The following NPAS3 variants were observed in gnomAD, a reference collection of about 807,000 sequenced individuals.
NPAS3 encodes neuronal PAS domain-containing protein 3.
A neutral mutation model predicts 73.1 loss-of-function variants in NPAS3; 14 were observed. That is an observed-to-expected ratio of 0.19 (90% CI 0.13 to 0.30). The LOEUF is 0.30. NPAS3 is among the 10% of genes least tolerant of loss of function. The pLI, the probability that NPAS3 is intolerant of heterozygous loss-of-function variation, is 1.00. For missense variants in NPAS3, 1,096 were observed against 1,250.0 expected (o/e 0.88, Z 1.86); for synonymous variants, 620 against 541.5 (o/e 1.14, Z -2.01).
chr14:33,725,592 G>T (rs2061242610), intron 6 of NPAS3, among the ~76,000 whole-genome samples: 1 of 151,646 alleles, frequency 6.6e-6, no homozygotes, highest in African/African-American at 2.4e-5. Flanking sequence ...AGCCCCTACT[G>T]CCTACCTCTC....
At chr14:33,667,424 C>T (rs568714342) in intron 5 of NPAS3, among the ~76,000 whole-genome samples, 1 of 152,306 alleles carries the variant, frequency 6.6e-6, no homozygotes, top group South Asian at 2.1e-4. Context: ...CACCACAGTC[C>T]TCTCAAAATA....
At chr14:33,785,761 C>T (rs2063152341) in intron 9 of NPAS3, among the ~76,000 whole-genome samples, 1 of 152,076 alleles carries the variant, frequency 6.6e-6, no homozygotes, top group Non-Finnish European at 1.5e-5. Flanking sequence ...TCTCTGGCTT[C>T]CTAGAACTTT....
At chr14:33,647,118 CT>C (rs1485936639) in intron 5 of NPAS3, among the ~76,000 whole-genome samples, 1 of 152,120 alleles carries the variant, frequency 6.6e-6, no homozygotes, top group African/African-American at 2.4e-5. Context: ...TGTCCTTAGG[CT>C]CAACTGTGTG....
At chr14:33,287,268 A>G (rs1342319218) in intron 3 of NPAS3, among the ~76,000 whole-genome samples, 1 of 152,176 alleles carries the variant, frequency 6.6e-6, no homozygotes, top group Admixed American at 6.5e-5. Flanking sequence ...ATGAAGTTTT[A>G]CAATGTAGAT....
intron 6 of NPAS3, among the ~76,000 whole-genome samples, chr14:33,685,005 A>G (rs1595436637): frequency 6.6e-6 from 1 of 152,362 alleles, no homozygotes; most frequent in South Asian, 2.1e-4. Flanking sequence ...GCTTGAGGGA[A>G]GAACTTGTAT....
In NPAS3 at chr14:32,991,958, C is replaced by G. The variant is rs143985672; in HGVS notation, c.50+52592C>G. On this transcript the variant is annotated intron_variant, in intron 1 of 11. Transcript: ENST00000356141. ...TAAAACCAGAATGCCAAATTATTCG[C>G]TTACCATTAGAAATACAATCACACA... 1.8e-3 allele frequency among the ~76,000 whole-genome samples: 275 copies of G among 152,350 alleles called. 1 individual carries two copies. The highest frequency in any genetic ancestry group is 1.5e-3 in the Non-Finnish European group (99 of 68,040).
At chr14:33,555,204 T>C (rs2055298946) in intron 4 of NPAS3, among the ~76,000 whole-genome samples, 2 of 152,216 alleles carry the variant, frequency 1.3e-5, no homozygotes, top group South Asian at 4.1e-4. Flanking sequence ...TTAAAATGTC[T>C]GTTTTACTGT....
chr14:33,721,283 A>C (rs1326737308), intron 6 of NPAS3, among the ~76,000 whole-genome samples: 1 of 152,108 alleles, frequency 6.6e-6, no homozygotes, highest in Non-Finnish European at 1.5e-5. Flanking sequence ...TCTGTTAGAG[A>C]AAAGGTTGTA....
rs772629242 is a variant in NPAS3, at chr14:33,539,635, G to A, written c.469-20486G>A. On this transcript the variant is annotated intron_variant, in intron 4 of 11. Transcript: ENST00000356141. ...CTTTCTGCCCATCCCCAAGCCCCAC[G>A]TCCCACAAAAAGAAGTGAAAGTAAT... is the stretch of plus-strand genomic sequence containing the variant. Among the ~76,000 whole-genome samples, 20 of 152,118 alleles carry A rather than the reference G, an allele frequency of 1.3e-4. 1 individual carries two copies. The highest frequency in any genetic ancestry group is 3.9e-4 in the East Asian group (2 of 5,168).
intron 3 of NPAS3, among the ~76,000 whole-genome samples, chr14:33,325,602 G>A (rs1227822879): frequency 3.4e-5 from 5 of 148,910 alleles, no homozygotes; most frequent in Admixed American, 2.7e-4. Flanking sequence ...AGTCAAGATC[G>A]TGCCCTCAGC....
chr14:33,393,795 G>A (rs759457401), intron 4 of NPAS3, among the ~76,000 whole-genome samples: 9 of 152,156 alleles, frequency 5.9e-5, no homozygotes, highest in African/African-American at 9.7e-5. Flanking sequence ...AAGGTCAAGA[G>A]TTAACTACTT....
chr14:33,648,724 G>A (rs1363192653), intron 5 of NPAS3, among the ~76,000 whole-genome samples: 5 of 152,188 alleles, frequency 3.3e-5, no homozygotes, highest in Admixed American at 1.3e-4. Context: ...TCTCCCCTGG[G>A]TATGGGAAGA....
chr14:33,180,337 T>C (rs2045745350), intron 2 of NPAS3, among the ~76,000 whole-genome samples: 1 of 151,714 alleles, frequency 6.6e-6, no homozygotes, highest in South Asian at 2.1e-4. Flanking sequence ...TATACTTACC[T>C]GTCTGTGGCA....
intron 1 of NPAS3, among the ~76,000 whole-genome samples, chr14:32,993,111 T>C (rs2038402860): frequency 6.6e-6 from 1 of 150,628 alleles, no homozygotes; most frequent in Admixed American, 6.6e-5. Flanking sequence ...GATTGTACCA[T>C]TGCACTCCAC....
chr14:33,721,687 G>C lies in NPAS3; in HGVS notation c.734-13527G>C, dbSNP rs142234388. The stretch of plus-strand genomic sequence containing the variant: ...TGACTATTTCAAGAAAATTTATTTA[G>C]GTTTCATTTTGCTTGTAACTGAAAC... On this transcript the variant is annotated intron_variant, in intron 6 of 11. Coordinates refer to ENST00000356141, the Ensembl canonical transcript of NPAS3. 2.4e-3 allele frequency among the ~76,000 whole-genome samples: 367 copies of C among 152,146 alleles called. 2 individuals are homozygous for C. The highest frequency in any genetic ancestry group is 8.7e-3 in the African/African-American group (360 of 41,520).
intron 1 of NPAS3, among the ~76,000 whole-genome samples, chr14:33,005,967 C>T (rs1025330303): frequency 2.6e-5 from 4 of 152,146 alleles, no homozygotes; most frequent in Admixed American, 2.0e-4. Flanking sequence ...AACTTGGAAG[C>T]ATGTAACTCC....
intron 1 of NPAS3, among the ~76,000 whole-genome samples, chr14:32,982,116 C>G (rs913936440): frequency 3.9e-5 from 6 of 152,152 alleles, no homozygotes; most frequent in Non-Finnish European, 5.9e-5. Context: ...CTCCTGGAGT[C>G]TGGAAAGTCC....
exon 11 of NPAS3, chr14:33,797,487 C>T (rs369145801): frequency 1.2e-6 from 2 of 1,614,214 alleles, no homozygotes; most frequent in African/African-American, 1.3e-5. Flanking sequence ...CACCCATGGA[C>T]ATCGCACAGC....
chr14:33,052,279 C>A (rs2040737507), intron 1 of NPAS3, among the ~76,000 whole-genome samples: 1 of 152,090 alleles, frequency 6.6e-6, no homozygotes, highest in Non-Finnish European at 1.5e-5. Context: ...AACAGCAGTG[C>A]AATCCTTAGG....
Sources: gnomAD v4.1 joint callset for allele counts (sites outside exome capture counted in the v4.1 genomes callset) on GRCh38, gnomAD v4.1.1 for gene constraint, MANE v1.5 for transcripts, NCBI Gene and HGNC (gene_info 2026-07-23, HGNC 2026-07-21) for gene names.